Variants in DISC1 observed in about 807,000 individuals in gnomAD.
DISC1 encodes the protein disrupted in schizophrenia 1 protein.
Under a neutral mutation model 84.5 loss-of-function variants are expected in DISC1, and 57 were observed. The observed-to-expected ratio is 0.67, with a 90% CI of 0.55 to 0.84. The LOEUF is 0.84. DISC1 is among the 40% of genes least tolerant of loss of function. DISC1 has a pLI of 0.00. For synonymous variants in DISC1, 411 were observed against 415.2 expected, an observed-to-expected ratio of 0.99 and a Z score of 0.12; for missense variants, 1,000 against 1,057.8, an observed-to-expected ratio of 0.95 and a Z score of 0.76.
intron 4 of DISC1, among the ~76,000 whole-genome samples, chr1:231,756,524 AG>A (rs2075145430): frequency 8.3e-5 from 5 of 60,148 alleles, no homozygotes; most frequent in African/African-American, 2.6e-4. Context: ...ATCGAGAGAG[AG>A]AGAGAGAGAG....
chr1:231,780,176 A>G (rs1029102848), intron 6 of DISC1, among the ~76,000 whole-genome samples: 1 of 149,668 alleles, frequency 6.7e-6, no homozygotes, highest in East Asian at 2.0e-4. Context: ...AGCATGGCAC[A>G]TGTATAAATA....
chr1:231,891,667 T>A (rs1232439990), intron 9 of DISC1, among the ~76,000 whole-genome samples: 4 of 152,098 alleles, frequency 2.6e-5, no homozygotes, highest in African/African-American at 9.7e-5. Context: ...GAGTGTAAGA[T>A]CCCAATAAGA....
rs528042960 is a variant in DISC1 at position 231,995,986 on chromosome 1, A to C, written c.2043-12799A>C. 7.2e-5 allele frequency among the ~76,000 whole-genome samples: 11 copies of C among 152,210 alleles called. No homozygotes were observed. The East Asian group carries it at 1.9e-3, about 27-fold the overall frequency. On this transcript the variant is annotated intron_variant, in intron 10 of 12. Transcript: ENST00000439617. ...TGTAAAAGTGTTCCTATTTCTCCACATCCTCTCCAGTACCTGTTTTTCCCT... is the reference window on the plus strand; with the variant it reads ...TGTAAAAGTGTTCCTATTTCTCCACCTCCTCTCCAGTACCTGTTTTTCCCT...
At chr1:231,730,785 G>A (rs2071414715) in intron 3 of DISC1, among the ~76,000 whole-genome samples, 1 of 152,108 alleles carries the variant, frequency 6.6e-6, no homozygotes, top group Non-Finnish European at 1.5e-5. Context: ...CACAGAATTG[G>A]TCATTTATCA....
At chr1:231,968,339 G>C (rs893782276) in intron 10 of DISC1, among the ~76,000 whole-genome samples, 1 of 151,952 alleles carries the variant, frequency 6.6e-6, no homozygotes, top group African/African-American at 2.4e-5. Flanking sequence ...ACCCCGAATT[G>C]GAACTGGCCT....
chr1:231,711,476 C>T (rs1031447260), intron 3 of DISC1, among the ~76,000 whole-genome samples: 1 of 151,186 alleles, frequency 6.6e-6, no homozygotes, highest in African/African-American at 2.4e-5. Context: ...TCTCCTGCCT[C>T]AGCCTCCCAA....
chr1:231,648,314 A>C lies in DISC1; in HGVS notation c.67+21380A>C, dbSNP rs568441166. ...GGCCTTTTCTGCATCTGTTGAGATA[A>C]TCATGTGTTTTTTTTCATTGGTTCT... is the stretch of plus-strand genomic sequence containing the variant. On this transcript the variant is annotated intron_variant, in intron 1 of 12. Coordinates refer to ENST00000439617, the MANE Select transcript of DISC1 (RefSeq NM_018662.3). Among the ~76,000 whole-genome samples, 17 of 152,300 alleles carry C rather than the reference A, an allele frequency of 1.1e-4. No individual in the cohort carries two copies. The South Asian group carries it at 3.5e-3, about 32-fold the overall frequency.
intron 9 of DISC1, among the ~76,000 whole-genome samples, chr1:231,868,828 T>C (rs534702623): frequency 2.0e-5 from 3 of 149,332 alleles, no homozygotes; most frequent in East Asian, 4.0e-4. Context: ...GAGGCTTCAG[T>C]GTGCTGTCAT....
chr1:231,693,636 C>T (rs2065304549), intron 1 of DISC1, among the ~76,000 whole-genome samples, 190 bp from the exon 2 acceptor site: 1 of 152,178 alleles, frequency 6.6e-6, no homozygotes, highest in Admixed American at 6.5e-5. Flanking sequence ...CTACATGTTC[C>T]AGGCAAATAC....
rs150203559 is a variant in DISC1, at chr1:231,675,263, C to T, written c.68-18563C>T. Among the ~76,000 whole-genome samples the T allele has an allele frequency of 3.9e-5, 6 of 152,016 alleles. No individual in the cohort carries two copies. Among genetic ancestry groups the T allele is most frequent in the African/African-American group, 1.2e-4 (5 of 41,450 alleles). On this transcript the variant is annotated intron_variant, in intron 1 of 12. Coordinates refer to ENST00000439617, the MANE Select transcript of DISC1 (RefSeq NM_018662.3). This position sits in a 1 kb window ranked among gnomAD's most constrained non-coding sequence, Gnocchi z 4.1. Reference sequence around the variant, plus strand: ...GTAGCGCTGTCTTGGTGGATCCTGCCGGAATGACACATCTTTTTGCTTTGG... The same window carrying T: ...GTAGCGCTGTCTTGGTGGATCCTGCTGGAATGACACATCTTTTTGCTTTGG...
At chr1:231,817,362 G>A (rs1255464089) in intron 8 of DISC1, among the ~76,000 whole-genome samples, 1 of 152,196 alleles carries the variant, frequency 6.6e-6, no homozygotes, top group East Asian at 1.9e-4. Flanking sequence ...GGGATTACAG[G>A]TGTGAGCCAC....
intron 6 of DISC1, among the ~76,000 whole-genome samples, chr1:231,779,570 T>G (rs187484053): frequency 0.1 from 14,686 of 143,176 alleles, 592 homozygotes; most frequent in Non-Finnish European, 0.14. Context: ...TTTTTTTTTT[T>G]TTTTTTTTAA....
chr1:231,957,977 T>G (rs1659807268), intron 9 of DISC1, among the ~76,000 whole-genome samples: 2 of 152,132 alleles, frequency 1.3e-5, no homozygotes, highest in Admixed American at 1.3e-4. Context: ...GAATAAAGGT[T>G]GTAATAAAAA....
At chr1:231,695,882 C>G (rs1200667735) in intron 2 of DISC1, among the ~76,000 whole-genome samples, 3 of 152,104 alleles carry the variant, frequency 2.0e-5, no homozygotes, top group Non-Finnish European at 4.4e-5. Context: ...CCCTGTTTGC[C>G]CTGTTTCAGC....
intron 3 of DISC1, among the ~76,000 whole-genome samples, chr1:231,749,360 A>G (rs1358543219): frequency 6.6e-6 from 1 of 152,204 alleles, no homozygotes; most frequent in Non-Finnish European, 1.5e-5. Flanking sequence ...TTCTATATTT[A>G]TACCTTGTGC....
At chr1:231,983,060 C>A (rs968937527) in intron 10 of DISC1, among the ~76,000 whole-genome samples, 2 of 152,086 alleles carry the variant, frequency 1.3e-5, no homozygotes, top group Admixed American at 1.3e-4. Context: ...TTTCCTGCCC[C>A]CAAGATAAGA....
At chr1:231,919,834 T>C (rs1170848198) in intron 9 of DISC1, among the ~76,000 whole-genome samples, 1 of 152,214 alleles carries the variant, frequency 6.6e-6, no homozygotes, top group Non-Finnish European at 1.5e-5. Flanking sequence ...AGGTGTGCCT[T>C]GATACAAATC....
intron 1 of DISC1, among the ~76,000 whole-genome samples, chr1:231,655,772 A>G (rs2061010652): frequency 6.6e-6 from 1 of 151,916 alleles, no homozygotes; most frequent in South Asian, 2.1e-4. Context: ...TTGTTTTTTG[A>G]CTTTTTAATA....
At chr1:231,967,959 A>C (rs1039926721) in intron 10 of DISC1, among the ~76,000 whole-genome samples, 5 of 152,246 alleles carry the variant, frequency 3.3e-5, no homozygotes, top group Admixed American at 3.3e-4. Context: ...GATGGGGATT[A>C]GACTCAACAC....
Sources: allele counts gnomAD v4.1 joint callset (sites outside exome capture counted in the v4.1 genomes callset), GRCh38; gene constraint gnomAD v4.1.1; non-coding constraint Gnocchi (gnomAD v3.1); transcripts MANE v1.5; gene names NCBI Gene and HGNC (gene_info 2026-07-23, HGNC 2026-07-21).